The following KIAA0232 variants were observed in gnomAD, a reference collection of about 807,000 sequenced individuals.
KIAA0232 encodes the protein KIAA0232.
A neutral mutation model predicts 122.0 loss-of-function variants in KIAA0232; 27 were observed. That is an observed-to-expected ratio of 0.22 (90% CI 0.16 to 0.31). The LOEUF is 0.31. Ranked by LOEUF, KIAA0232 falls within the 10% of genes least tolerant of loss-of-function variation. KIAA0232 has a pLI of 1.00. For missense variants in KIAA0232, 1,551 were observed against 1,634.2 expected (o/e 0.95, Z 0.88); for synonymous variants, 613 against 587.6 (o/e 1.04, Z -0.63).
intron 6 of KIAA0232, among the ~76,000 whole-genome samples, chr4:6,860,405 G>T (rs1200485855): frequency 6.6e-6 from 1 of 152,148 alleles, no homozygotes; most frequent in Non-Finnish European, 1.5e-5. Context: ...GATTGCTACC[G>T]AGCTTTTTAA....
intron 1 of KIAA0232, among the ~76,000 whole-genome samples, chr4:6,796,853 G>A (rs1032791446): frequency 2.0e-5 from 3 of 152,056 alleles, no homozygotes; most frequent in African/African-American, 4.8e-5. Context: ...GTGATGGGAG[G>A]GCTTCGTTTC....
chr4:6,863,211 T>C lies in KIAA0232; in HGVS notation c.2829T>C (p.Asp943=), dbSNP rs1720975661. 6.2e-7 allele frequency: 1 copy of C among 1,613,938 alleles called. No individual in the cohort carries two copies. Among genetic ancestry groups the C allele is most frequent in the Non-Finnish European group, 8.5e-7 (1 of 1,180,016 alleles). The part of the protein sequence containing the change: ...VYGELKTFNS[D]GEWAVVPPSH... ...GAGAACTCAAAACCTTCAATAGTGA[T>C]GGGGAGTGGGCAGTCGTACCACCTA... Residue 943 remains aspartate (D), a synonymous_variant, in exon 7 of 10, where the codon GAT becomes GAC. Coordinates refer to ENST00000307659, the MANE Select transcript of KIAA0232 (RefSeq NM_014743.3).
chr4:6,859,118 A>C (rs1720719082), intron 6 of KIAA0232, among the ~76,000 whole-genome samples: 1 of 151,538 alleles, frequency 6.6e-6, no homozygotes, highest in Non-Finnish European at 1.5e-5. Flanking sequence ...AAAAAAAAAA[A>C]AAAAACAAGA....
Position 6,861,856 on chromosome 4 carries a change from C to T in KIAA0232, c.1474C>T (p.Pro492Ser), listed in dbSNP as rs753076191. The change falls in exon 7 of 10, where the codon CCA becomes TCA. Residue 492 changes from proline to serine, a missense_variant. By Grantham distance (74) the Pro-to-Ser change is moderately conservative. This residue lies in a region of KIAA0232 where 1,108 missense variants were observed against 1,154.8 expected (regional missense o/e 0.96). Coordinates refer to ENST00000307659, the MANE Select transcript of KIAA0232 (RefSeq NM_014743.3). ...DLTGTSLCSL[P>S]EDNKYLDDIH... ...CACTGGGACCTCATTATGTTCTCTA[C>T]CAGAGGACAATAAATACCTGGATGA... 6.2e-7 allele frequency: 1 copy of T among 1,613,804 alleles called. No individual in the cohort carries two copies. The highest frequency in any genetic ancestry group is 8.5e-7 in the Non-Finnish European group (1 of 1,179,764).
chr4:6,859,113 A>C (rs1279339483), intron 6 of KIAA0232, among the ~76,000 whole-genome samples: 6 of 151,596 alleles, frequency 4.0e-5, no homozygotes, highest in African/African-American at 1.4e-4. Context: ...AAAAAAAAAA[A>C]AAAAAAAAAA....
intron 1 of KIAA0232, among the ~76,000 whole-genome samples, chr4:6,796,365 C>G (rs1717135859): frequency 6.6e-6 from 1 of 152,082 alleles, no homozygotes; most frequent in Non-Finnish European, 1.5e-5. Flanking sequence ...TCTCAGCCTC[C>G]CAAGTCACTG....
At position 6,862,030 on chromosome 4, in the gene KIAA0232, G is replaced by C; in HGVS notation, c.1648G>C (p.Glu550Gln). ...CAAAGAGAACACAGATTTTGAGGCA[G>C]AATGTTGCATAGTGTTAGATGGTAT... is the stretch of plus-strand genomic sequence containing the variant. ...KSKENTDFEA[E>Q]CCIVLDGMEL... Residue 550 changes from glutamate to glutamine, a missense_variant, in exon 7 of 10, where the codon GAA becomes CAA. Physicochemically the swap from Glu to Gln is conservative, Grantham distance 29. Around this residue, in one of 5 missense-constraint regions of KIAA0232, gnomAD observed 1,108 missense variants for 1,154.8 expected, o/e 0.96. Transcript: ENST00000307659. The C allele has an allele frequency of 6.2e-7, 1 of 1,614,220 alleles. No individual in the cohort carries two copies. The highest frequency in any genetic ancestry group is 2.2e-5 in the East Asian group (1 of 44,884).
At chr4:6,835,502 T>C (rs1470091694) in intron 3 of KIAA0232, among the ~76,000 whole-genome samples, 1 of 152,208 alleles carries the variant, frequency 6.6e-6, no homozygotes, top group African/African-American at 2.4e-5. Context: ...AGTTCTAGAG[T>C]ACATATGCAC....
At chr4:6,880,762 G>A (rs1722029521) in intron 9 of KIAA0232, 25 bp from the exon 10 acceptor site, 1 of 1,468,870 alleles carries the variant, frequency 6.8e-7, no homozygotes, top group Non-Finnish European at 9.1e-7. Flanking sequence ...TCTTTTTGAT[G>A]TGTTGAAAAT....
At chr4:6,851,387 G>A (rs1720275453) in intron 4 of KIAA0232, among the ~76,000 whole-genome samples, 1 of 152,188 alleles carries the variant, frequency 6.6e-6, no homozygotes, top group Admixed American at 6.5e-5. Flanking sequence ...ATGAAAGTAA[G>A]AAACAGGACT....
At chr4:6,785,694 G>A (rs930693331) in intron 1 of KIAA0232, among the ~76,000 whole-genome samples, 15 of 152,218 alleles carry the variant, frequency 9.9e-5, no homozygotes, top group African/African-American at 3.6e-4. Flanking sequence ...GATCTTGTCA[G>A]TCTCTGGCTC....
chr4:6,784,438 G>T (rs866209794), intron 1 of KIAA0232, among the ~76,000 whole-genome samples: 23 of 152,202 alleles, frequency 1.5e-4, no homozygotes, highest in South Asian at 4.1e-4. Context: ...GTGAGGGCGG[G>T]GGGGGAGGAG....
intron 4 of KIAA0232, among the ~76,000 whole-genome samples, chr4:6,849,511 G>T (rs1720155329): frequency 6.6e-6 from 1 of 152,206 alleles, no homozygotes; most frequent in East Asian, 1.9e-4. Flanking sequence ...AGCTACCTGG[G>T]AGGCTGAGAC....
At position 6,862,969 on chromosome 4, in the gene KIAA0232, G is replaced by T; in HGVS notation, c.2587G>T (p.Asp863Tyr). The T allele has an allele frequency of 6.2e-7, 1 of 1,614,250 alleles. No homozygotes were observed. The highest frequency in any genetic ancestry group is 8.5e-7 in the Non-Finnish European group (1 of 1,180,040). The change falls in exon 7 of 10, where the codon GAT becomes TAT. Residue 863 changes from aspartate (D) to tyrosine (Y), a missense_variant. This residue lies in a region of KIAA0232 where 1,108 missense variants were observed against 1,154.8 expected (regional missense o/e 0.96). Coordinates refer to ENST00000307659, the MANE Select transcript of KIAA0232 (RefSeq NM_014743.3). ...ADVNNYCCCLDAEAELETLQE... is the reference protein window; with the variant it reads ...ADVNNYCCCLYAEAELETLQE... ...TGTAAATAACTACTGCTGCTGTCTA[G>T]ATGCTGAAGCTGAACTGGAGACCCT...
chr4:6,804,748 G>A (rs1577360588), intron 2 of KIAA0232, 142 bp downstream of exon 2: 1 of 152,166 alleles, frequency 6.6e-6, no homozygotes, highest in Admixed American at 6.6e-5. Context: ...TATAATTAAT[G>A]ATCTTATTCC....
intron 1 of KIAA0232, among the ~76,000 whole-genome samples, chr4:6,794,990 A>G (rs1235956836): frequency 2.0e-5 from 3 of 152,236 alleles, no homozygotes; most frequent in East Asian, 3.8e-4. Context: ...CAGTCTCTGC[A>G]TAGGTGGTAT....
intron 2 of KIAA0232, among the ~76,000 whole-genome samples, chr4:6,822,682 T>A (rs1718476511): frequency 6.6e-6 from 1 of 152,054 alleles, no homozygotes; most frequent in South Asian, 2.1e-4. Flanking sequence ...GTATGTTAAT[T>A]TGGGGGGAAG....
chr4:6,783,639 G>C (rs1434185327), intron 1 of KIAA0232, among the ~76,000 whole-genome samples: 1 of 150,740 alleles, frequency 6.6e-6, no homozygotes, highest in African/African-American at 2.4e-5. Flanking sequence ...CAGGCGGGCG[G>C]GGCCGGGAGG....
chr4:6,826,406 A>G (rs1718687741), intron 3 of KIAA0232, among the ~76,000 whole-genome samples: 1 of 152,252 alleles, frequency 6.6e-6, no homozygotes, highest in South Asian at 2.1e-4. Context: ...TTAAATCTAC[A>G]AACATAGAAG....
Sources: allele counts gnomAD v4.1 joint callset (sites outside exome capture counted in the v4.1 genomes callset), GRCh38; gene constraint gnomAD v4.1.1; regional missense constraint gnomAD v4.1.1; transcripts MANE v1.5; gene names NCBI Gene and HGNC (gene_info 2026-07-23, HGNC 2026-07-21).